The following EMC1 variants were observed in gnomAD, a reference collection of about 807,000 sequenced individuals.
The protein encoded by EMC1 is ER membrane protein complex subunit 1.
EMC1 carries 103 observed loss-of-function variants against 128.8 expected under a neutral mutation model. The observed-to-expected ratio is 0.80, with a 90% confidence interval of 0.68 to 0.94. The LOEUF (loss-of-function observed/expected upper bound fraction) is 0.94. Ranked by LOEUF, EMC1 falls within the 40% of genes least tolerant of loss-of-function variation. The pLI is 0.00. For missense variants in EMC1, 1,083 were observed against 1,250.6 expected, an observed-to-expected ratio of 0.87 and a Z score of 2.02; for synonymous variants, 442 against 490.4, an observed-to-expected ratio of 0.90 and a Z score of 1.30.
chr1:19,244,654 C>G, intron 2 of EMC1: 1 of 355,404 alleles, frequency 2.8e-6, no homozygotes, highest in Non-Finnish European at 5.3e-6. Context: ...ATCCTCCCGC[C>G]TGGGCTTGCA....
intron 20 of EMC1, 139 bp from the exon 21 acceptor site, chr1:19,220,987 A>T: frequency 1.8e-6 from 1 of 559,738 alleles, no homozygotes; most frequent in Non-Finnish European, 3.3e-6. Context: ...ATAGCCAAAA[A>T]TAATAATCCA....
intron 20 of EMC1, chr1:19,221,197 C>A: frequency 5.3e-6 from 1 of 190,442 alleles, no homozygotes; most frequent in Non-Finnish European, 1.1e-5. Context: ...AGTCTCCTTC[C>A]CATTGAGCAA....
Position 19,244,038 on chromosome 1 carries a change from A to G in EMC1, c.221-23T>C, listed in dbSNP as rs577134828. The G allele has an allele frequency of 5.0e-6, 8 of 1,613,462 alleles. No individual in the cohort carries two copies. The African/African-American group carries it at 9.3e-5, about 19-fold the overall frequency. On this transcript the variant is annotated intron_variant, in intron 2 of 22. Coordinates refer to ENST00000477853, the MANE Select transcript of EMC1 (RefSeq NM_015047.3). Reference sequence around the variant, plus strand: ...ACACTGAGAGACATGAAAGTTAGACATTACTATGAACAAAAGGTGGCAACC... The same window carrying G: ...ACACTGAGAGACATGAAAGTTAGACGTTACTATGAACAAAAGGTGGCAACC...
Position 19,237,258 on chromosome 1 carries a change from C to T in EMC1, c.1213-20G>A, listed in dbSNP as rs370673390. On this transcript the variant is annotated intron_variant, in intron 11 of 22. Coordinates refer to ENST00000477853, the MANE Select transcript of EMC1 (RefSeq NM_015047.3). ...ATACAGCTATAAGCCACAGTCAAGA[C>T]CGGTGTAGTCAGTGAGGATCCAAAT... 10 of 1,584,614 alleles carry T rather than the reference C, an allele frequency of 6.3e-6. No homozygotes were observed. The African/African-American group carries it at 1.3e-4, about 21-fold the overall frequency.
At chr1:19,231,646 GTCTC>G (rs376152432) in intron 15 of EMC1, among the ~76,000 whole-genome samples, 8 of 152,018 alleles carry the variant, frequency 5.3e-5, no homozygotes, top group Admixed American at 3.3e-4. Context: ...TTGAGACAGG[GTCTC>G]TCTCTATCAC....
rs370952454 is a variant in EMC1, at chr1:19,242,428, G to A, written c.426C>T (p.Tyr142=). ...GTGTAGTCTTCTTCAGGACTGCGAT[G>A]TACCTTACAGACTCCTGCAGGCCAA... ...GLVGLQESVR[Y]IAVLKKTTLA... is the part of the protein sequence containing the mutation. The change falls in exon 5 of 23, where the codon TAC becomes TAT. Residue 142 remains tyrosine (Y), a synonymous_variant. Coordinates refer to ENST00000477853, the MANE Select transcript of EMC1 (RefSeq NM_015047.3). 2.5e-6 allele frequency: 4 copies of A among 1,614,112 alleles called. No individual in the cohort carries two copies.
intron 5 of EMC1, 126 bp downstream of exon 5, chr1:19,242,219 C>T: frequency 3.1e-6 from 3 of 970,884 alleles, no homozygotes; most frequent in Non-Finnish European, 4.7e-6. Context: ...GAGTGCAACA[C>T]ACTCCATGGA....
intron 17 of EMC1, among the ~76,000 whole-genome samples, chr1:19,227,998 G>A (rs964186653): frequency 2.0e-5 from 3 of 152,154 alleles, no homozygotes; most frequent in Admixed American, 6.5e-5. Flanking sequence ...CTGAGGTCGG[G>A]AGTTTGAGAC....
Position 19,237,137 on chromosome 1 carries a change from C to T in EMC1, c.1309+5G>A, listed in dbSNP as rs775428183. On this transcript the variant is annotated splice_donor_5th_base_variant and intron_variant, in intron 12 of 22. Transcript: ENST00000477853. ...AAAAAAATGGGTTGAATGAGGTCTA[C>T]TTACCCAACTGCTGCAGGAAAAGTA... The T allele has an allele frequency of 4.3e-6, 7 of 1,611,294 alleles. No homozygotes were observed. Among genetic ancestry groups the T allele is most frequent in the Non-Finnish European group, 5.9e-6 (7 of 1,177,584 alleles).
intron 21 of EMC1, 111 bp from the exon 22 acceptor site, chr1:19,219,809 T>A (rs2093417688): frequency 8.2e-7 from 1 of 1,226,000 alleles, no homozygotes; most frequent in East Asian, 2.4e-5. Flanking sequence ...GCCTCAAATC[T>A]CCTAGGAGGT....
chr1:19,219,438 T>C lies in EMC1; in HGVS notation c.2847A>G (p.Pro949=). 6.2e-7 allele frequency: 1 copy of C among 1,613,910 alleles called. No homozygotes were observed. The highest frequency in any genetic ancestry group is 8.5e-7 in the Non-Finnish European group (1 of 1,180,000). ...CCTTCAGAACGTCAAACTGCTTGGA[T>C]GGGTAGACTCGAGTTTGGTAAATGT... ...GLDIYQTRVY[P]SKQFDVLKDD... The change falls in exon 23 of 23, where the codon CCA becomes CCG. Residue 949 remains proline (P), a synonymous_variant. Coordinates refer to ENST00000477853, the MANE Select transcript of EMC1 (RefSeq NM_015047.3).
rs2093415567 is a variant in EMC1, at chr1:19,219,561, C to T, written c.2802+8G>A. On this transcript the variant is annotated splice_region_variant and intron_variant, in intron 22 of 22. Coordinates refer to ENST00000477853, the MANE Select transcript of EMC1 (RefSeq NM_015047.3). ...GGGTGAAATAGGGCAGCTGTGGGCTCTACTCACCAAACAAGTGGACTCCAG... is the reference window on the plus strand; with the variant it reads ...GGGTGAAATAGGGCAGCTGTGGGCTTTACTCACCAAACAAGTGGACTCCAG... 6.2e-7 allele frequency: 1 copy of T among 1,614,100 alleles called. No individual in the cohort carries two copies. The highest frequency in any genetic ancestry group is 8.5e-7 in the Non-Finnish European group (1 of 1,180,012).
In EMC1 at chr1:19,244,799, T is replaced by A. The variant is rs1222016119; in HGVS notation, c.220+107A>T. 3 of 1,292,658 alleles carry A rather than the reference T, an allele frequency of 2.3e-6. No homozygotes were observed. The East Asian group carries it at 7.0e-5, about 30-fold the overall frequency. 80.1% of individuals were successfully genotyped at this position (1,292,658 alleles called of 1,614,324 possible). ...GTATCAGAATCCACTAGGAGAGGCA[T>A]CTTTTGGCCAACATGTTCCTTATTC... On this transcript the variant is annotated intron_variant, in intron 2 of 22. Transcript: ENST00000477853.
At chr1:19,247,729 C>T (rs1424925759) in intron 1 of EMC1, among the ~76,000 whole-genome samples, 1 of 152,178 alleles carries the variant, frequency 6.6e-6, no homozygotes, top group Non-Finnish European at 1.5e-5. Context: ...GCAGGTGCTT[C>T]AAGAGGTATT....
chr1:19,235,536 C>A (rs2093556594), intron 12 of EMC1, among the ~76,000 whole-genome samples: 1 of 152,094 alleles, frequency 6.6e-6, no homozygotes, highest in Admixed American at 6.5e-5. Flanking sequence ...CCCCTCTCTA[C>A]TAAAAATACA....
intron 19 of EMC1, 78 bp from the exon 20 acceptor site, chr1:19,222,912 C>G: frequency 9.7e-7 from 1 of 1,032,028 alleles, no homozygotes; most frequent in Non-Finnish European, 1.4e-6. Context: ...GAAGGCACCC[C>G]TCTAATTAGC....
chr1:19,245,596 T>A (rs1262192595), intron 1 of EMC1, among the ~76,000 whole-genome samples: 1 of 150,660 alleles, frequency 6.6e-6, no homozygotes, highest in Non-Finnish European at 1.5e-5. Flanking sequence ...TACCTTCAGA[T>A]AAGTGACACC....
In EMC1 at chr1:19,216,585, A is replaced by T. The variant is rs567089149; in HGVS notation, c.*2718T>A. ...AGATCCATTAGTTGAAAAAACAAGT[A>T]ACAGAATTAAATAGCATCATCTCAT... On this transcript the variant is annotated 3_prime_UTR_variant, in exon 23 of 23. Coordinates refer to ENST00000477853, the MANE Select transcript of EMC1 (RefSeq NM_015047.3). 1 of 152,374 alleles carries T rather than the reference A, an allele frequency of 6.6e-6. No individual in the cohort carries two copies. The highest frequency in any genetic ancestry group is 2.4e-5 in the African/African-American group (1 of 41,586). The allele number at this position is 152,374 out of a possible 1,614,324, so 9.4% of individuals were successfully genotyped here.
rs543060353 is a variant in EMC1 at position 19,245,907 on chromosome 1, G to A, written c.96-877C>T. On this transcript the variant is annotated intron_variant, in intron 1 of 22. Coordinates refer to ENST00000477853, the MANE Select transcript of EMC1 (RefSeq NM_015047.3). ...CTTCCAAAGTGTTGGGATTACAGGC[G>A]TGAGTCACCACGCCCGACTGAGATC... Among the ~76,000 whole-genome samples, 149 of 151,938 alleles carry A rather than the reference G, an allele frequency of 9.8e-4. 3 individuals are homozygous for A. In the South Asian group the frequency reaches 0.031, roughly 31 times the overall value.
Sources: gnomAD v4.1 joint callset for allele counts (sites outside exome capture counted in the v4.1 genomes callset) on GRCh38, gnomAD v4.1.1 for gene constraint, MANE v1.5 for transcripts, NCBI Gene and HGNC (gene_info 2026-07-23, HGNC 2026-07-21) for gene names.